Variants in OPHN1 observed in about 807,000 individuals in gnomAD.
OPHN1 encodes the protein oligophrenin-1.
OPHN1 carries 11 observed loss-of-function variants against 60.7 expected under a neutral mutation model. The observed-to-expected ratio is 0.18, with a 90% confidence interval of 0.11 to 0.30. OPHN1 has a LOEUF of 0.30. OPHN1 is among the 10% of genes least tolerant of loss of function. The pLI, the probability that OPHN1 is intolerant of heterozygous loss-of-function variation, is 1.00. For synonymous variants in OPHN1, 226 were observed against 222.6 expected (o/e 1.02, Z -0.14); for missense variants, 449 against 611.0 (o/e 0.73, Z 2.80).
intron 15 of OPHN1, among the ~76,000 whole-genome samples, chrX:68,190,155 C>T (rs5965511): frequency 0.1 from 11,215 of 110,993 alleles, 1,405 homozygotes; most frequent in African/African-American, 0.35. Flanking sequence ...CAGTGAGACA[C>T]GCCAGAGGAC....
intron 15 of OPHN1, among the ~76,000 whole-genome samples, chrX:68,183,769 T>C (rs891179469): frequency 8.9e-6 from 1 of 112,721 alleles, no homozygotes; most frequent in African/African-American, 3.2e-5. Flanking sequence ...GTATCCCCCA[T>C]GTATGCATGA....
chrX:68,404,144 A>G (rs752563355), intron 2 of OPHN1, among the ~76,000 whole-genome samples: 7 of 109,681 alleles, frequency 6.4e-5, no homozygotes, highest in Admixed American at 5.9e-4. Context: ...TATGGAAAAC[A>G]GTATGGTGGT....
At chrX:68,359,638 C>T (rs949030248) in intron 2 of OPHN1, among the ~76,000 whole-genome samples, 19 of 109,668 alleles carry the variant, frequency 1.7e-4, no homozygotes, top group African/African-American at 6.0e-4. Context: ...GGGCGGATCA[C>T]GAGGTCAGGA....
At chrX:68,234,881 T>C (rs1469369149) in intron 5 of OPHN1, among the ~76,000 whole-genome samples, 2 of 112,265 alleles carry the variant, frequency 1.8e-5, no homozygotes, top group Non-Finnish European at 3.8e-5. Flanking sequence ...GTGCAGTAGA[T>C]ATATTTTCTT....
chrX:68,080,318 A>G (rs1422940860), intron 19 of OPHN1, among the ~76,000 whole-genome samples: 3 of 112,076 alleles, frequency 2.7e-5, no homozygotes, highest in Non-Finnish European at 5.6e-5. Flanking sequence ...TATTTTATGG[A>G]ACTTAATTTC....
At chrX:68,180,146 G>T (rs1414238456) in intron 15 of OPHN1, among the ~76,000 whole-genome samples, 1 of 111,430 alleles carries the variant, frequency 9.0e-6, no homozygotes, top group Non-Finnish European at 1.9e-5. Flanking sequence ...TTGAAAAAAT[G>T]TCTACCTTAC....
intron 16 of OPHN1, among the ~76,000 whole-genome samples, chrX:68,116,766 A>G (rs928594940): frequency 4.5e-5 from 5 of 111,596 alleles, no homozygotes; most frequent in Non-Finnish European, 9.4e-5. Flanking sequence ...TAAATGCATG[A>G]CCATCATTTG....
chrX:68,302,025 A>G, intron 2 of OPHN1, among the ~76,000 whole-genome samples: 1 of 112,658 alleles, frequency 8.9e-6, no homozygotes, highest in Non-Finnish European at 1.9e-5. Context: ...GGTCTGCACA[A>G]TGTTTTAAAA....
chrX:68,084,170 C>T (rs1010228015), intron 19 of OPHN1, among the ~76,000 whole-genome samples: 6 of 109,207 alleles, frequency 5.5e-5, no homozygotes, highest in Non-Finnish European at 1.1e-4. Flanking sequence ...TAAAGTAAAG[C>T]ACAATAAAGC....
At chrX:68,282,179 C>G (rs772220148) in intron 4 of OPHN1, among the ~76,000 whole-genome samples, 1 of 112,119 alleles carries the variant, frequency 8.9e-6, no homozygotes, top group East Asian at 2.8e-4. Context: ...CAAGATGTCC[C>G]TCAGTAGGTG....
intron 18 of OPHN1, among the ~76,000 whole-genome samples, chrX:68,099,170 C>T (rs2077048646): frequency 9.0e-6 from 1 of 111,725 alleles, no homozygotes; most frequent in African/African-American, 3.3e-5. Context: ...GGGGAAATTG[C>T]TTTGCATTTA....
intron 3 of OPHN1, among the ~76,000 whole-genome samples, chrX:68,283,461 C>T (rs73532170): frequency 0.019 from 2,134 of 111,452 alleles, 65 homozygotes; most frequent in African/African-American, 0.066. Context: ...AACCCTGAAA[C>T]GAGTTTGGAT....
chrX:68,072,620 C>T (rs759965641), intron 20 of OPHN1, among the ~76,000 whole-genome samples: 11 of 111,211 alleles, frequency 9.9e-5, no homozygotes, highest in Non-Finnish European at 1.5e-4. Context: ...GCAAACCTGA[C>T]AAAAATGGTC....
chrX:68,336,653 CGTGT>C (rs761125840), intron 2 of OPHN1, among the ~76,000 whole-genome samples: 1 of 91,863 alleles, frequency 1.1e-5, no homozygotes, highest in African/African-American at 5.5e-5. Flanking sequence ...TATGTGTGTA[CGTGT>C]GTGTGTGTGT....
chrX:68,104,328 T>C (rs1174887074), intron 18 of OPHN1, among the ~76,000 whole-genome samples: 3 of 111,848 alleles, frequency 2.7e-5, no homozygotes, highest in Non-Finnish European at 3.8e-5. Context: ...AAATTTCATA[T>C]GGAACCAAAA....
intron 11 of OPHN1, 59 bp from the exon 12 acceptor site, chrX:68,197,323 T>C (rs2077517016): frequency 2.2e-6 from 2 of 906,814 alleles, no homozygotes; most frequent in Admixed American, 2.3e-5. Context: ...GAATGGAGTC[T>C]TGTGATCTAG....
At chrX:68,184,230 A>C (rs776556355) in intron 15 of OPHN1, among the ~76,000 whole-genome samples, 5 of 112,249 alleles carry the variant, frequency 4.5e-5, no homozygotes, top group Non-Finnish European at 7.5e-5. Flanking sequence ...TGAGTCAAAA[A>C]GAGGAATGGG....
At chrX:68,317,539 A>G (rs201604719) in intron 2 of OPHN1, among the ~76,000 whole-genome samples, 1,279 of 58,839 alleles carry the variant, frequency 0.022, 104 homozygotes, top group African/African-American at 0.16. Context: ...AAGAAAGAAA[A>G]AAAGAAAGAA....
chrX:68,332,243 T>A (rs1418359704), intron 2 of OPHN1, among the ~76,000 whole-genome samples: 1 of 111,364 alleles, frequency 9.0e-6, no homozygotes. Context: ...AACTTTTTTT[T>A]TCATTTCCAA....
Sources: allele counts gnomAD v4.1 joint callset (sites outside exome capture counted in the v4.1 genomes callset), GRCh38; gene constraint gnomAD v4.1.1; transcripts MANE v1.5; gene names NCBI Gene and HGNC (gene_info 2026-07-23, HGNC 2026-07-21).